The following KDM5A variants were observed in gnomAD, a reference collection of about 807,000 sequenced individuals.
KDM5A encodes the protein lysine-specific demethylase 5A.
Under a neutral mutation model 193.5 loss-of-function variants are expected in KDM5A, and 42 were observed. The ratio of observed to expected loss-of-function variants is 0.22; its 90% CI spans 0.17 to 0.28. The LOEUF (loss-of-function observed/expected upper bound fraction) is 0.28. Ranked by LOEUF, KDM5A falls within the 10% of genes least tolerant of loss-of-function variation. The pLI, the probability that KDM5A is intolerant of heterozygous loss-of-function variation, is 1.00. For synonymous variants in KDM5A, 796 were observed against 718.1 expected (o/e 1.11, Z -1.73); for missense variants, 1,692 against 2,055.1 (o/e 0.82, Z 3.42).
intron 10 of KDM5A, among the ~76,000 whole-genome samples, chr12:347,004 T>C (rs975103652): frequency 2.6e-5 from 4 of 152,236 alleles, no homozygotes; most frequent in Admixed American, 6.5e-5. Context: ...CATGACTGTA[T>C]ATTTAGAAAA....
At chr12:368,268 T>C (rs1944382079) in intron 3 of KDM5A, among the ~76,000 whole-genome samples, 1 of 152,052 alleles carries the variant, frequency 6.6e-6, no homozygotes, top group African/African-American at 2.4e-5. Flanking sequence ...AAGGGAGAAG[T>C]CCTGGAACTA....
At position 293,141 on chromosome 12, in the gene KDM5A, T is replaced by G. The variant is rs199801335; in HGVS notation, c.4484A>C (p.Lys1495Thr). The G allele has an allele frequency of 6.2e-7, 1 of 1,611,464 alleles. No individual in the cohort carries two copies. Among genetic ancestry groups the G allele is most frequent in the Non-Finnish European group, 8.5e-7 (1 of 1,179,402 alleles). ...CTCTGAAGAGTCCTTTCCTTTCACT[T>G]TTAGTGGTTTCTCTTCCATGCTGTC... is the stretch of plus-strand genomic sequence containing the variant. ...EDDSMEEKPL[K>T]VKGKDSSEKK... The change falls in exon 27 of 28, where the codon AAA (lysine) becomes ACA (threonine). Residue 1495 changes from lysine (K) to threonine (T), a missense_variant. Around this residue, in one of 11 missense-constraint regions of KDM5A, gnomAD observed 965 missense variants for 1,061.0 expected, o/e 0.91. Transcript: ENST00000399788.
chr12:342,731 G>A (rs143560928), intron 10 of KDM5A, among the ~76,000 whole-genome samples: 19 of 148,438 alleles, frequency 1.3e-4, no homozygotes, highest in South Asian at 2.1e-4. Flanking sequence ...CAAAGGGCTC[G>A]AATTACAGGC....
At chr12:351,678 A>G (rs1259073654) in intron 9 of KDM5A, among the ~76,000 whole-genome samples, 1 of 152,182 alleles carries the variant, frequency 6.6e-6, no homozygotes, top group East Asian at 1.9e-4. Flanking sequence ...TTCAAGCATC[A>G]AAATAGACAG....
Position 356,490 on chromosome 12 carries a change from C to G in KDM5A, c.720G>C (p.Gln240His), listed in dbSNP as rs371585081. The change falls in exon 6 of 28, where the codon CAG (glutamine) becomes CAC (histidine). Residue 240 changes from glutamine (Q) to histidine (H), a missense_variant. Coordinates refer to ENST00000399788, the MANE Select transcript of KDM5A (RefSeq NM_001042603.3). ...CAACCTTGGGCCCAGCCCCAAAAAT[C>G]TGAAGTTTCTTCAGTTCCGTGTTTC... is the stretch of plus-strand genomic sequence containing the variant. ...VSRNTELKKL[Q>H]IFGAGPKVVG... 1 of 1,613,968 alleles carries G rather than the reference C, an allele frequency of 6.2e-7. No individual in the cohort carries two copies.
rs903494400 is a variant in KDM5A, at chr12:281,600, C to T, written c.*3856G>A. The stretch of plus-strand genomic sequence containing the variant: ...CCTGCTATAAAAGCAACCTTCTACA[C>T]ACATATGGAGCTAATTCACATGTGA... On this transcript the variant is annotated 3_prime_UTR_variant, in exon 28 of 28. Transcript: ENST00000399788. 1 of 233,442 alleles carries T rather than the reference C, an allele frequency of 4.3e-6. No individual in the cohort carries two copies. The highest frequency in any genetic ancestry group is 8.5e-6 in the Non-Finnish European group (1 of 118,168). 14.5% of individuals were successfully genotyped at this position (233,442 alleles called of 1,614,324 possible).
intron 10 of KDM5A, 115 bp from the exon 11 acceptor site, chr12:334,537 A>G (rs1943902950): frequency 6.7e-6 from 5 of 745,382 alleles, no homozygotes; most frequent in Middle Eastern, 3.6e-4. Context: ...AGTCTAGTGC[A>G]TACAATCTGT....
chr12:357,313 G>A (rs1304863787), intron 5 of KDM5A, among the ~76,000 whole-genome samples: 2 of 141,194 alleles, frequency 1.4e-5, no homozygotes, highest in African/African-American at 5.4e-5. Flanking sequence ...CCCAGCCTGG[G>A]CAACATAGTG....
intron 14 of KDM5A, among the ~76,000 whole-genome samples, chr12:324,529 A>G (rs1241844545): frequency 1.3e-5 from 2 of 152,210 alleles, no homozygotes; most frequent in South Asian, 2.1e-4. Flanking sequence ...TTAAAATATA[A>G]TATCAGCATG....
chr12:315,050 G>T (rs1396567470), intron 19 of KDM5A, among the ~76,000 whole-genome samples: 2 of 152,176 alleles, frequency 1.3e-5, no homozygotes, highest in Non-Finnish European at 2.9e-5. Flanking sequence ...GCAGTATAGA[G>T]AATGAATTAG....
intron 10 of KDM5A, among the ~76,000 whole-genome samples, chr12:345,198 G>C (rs1049811250): frequency 3.9e-5 from 6 of 152,164 alleles, no homozygotes; most frequent in African/African-American, 1.2e-4. Flanking sequence ...GTAAAGGGAT[G>C]AATTCAACAA....
At chr12:348,918 A>AT (rs1178499087) in intron 10 of KDM5A, among the ~76,000 whole-genome samples, 19 of 151,822 alleles carry the variant, frequency 1.3e-4, no homozygotes, top group African/African-American at 4.6e-4. Flanking sequence ...AAAATAAAAA[A>AT]TTAAAAAAAA....
chr12:289,903 CTTTCT>C (rs1943269646), intron 27 of KDM5A, among the ~76,000 whole-genome samples: 1 of 106,740 alleles, frequency 9.4e-6, no homozygotes, highest in African/African-American at 4.0e-5. Flanking sequence ...TTTTTTCTTT[CTTTCT>C]TTTTTTTTTT....
At chr12:357,154 A>C (rs1944237341) in intron 5 of KDM5A, among the ~76,000 whole-genome samples, 1 of 151,780 alleles carries the variant, frequency 6.6e-6, no homozygotes, top group Non-Finnish European at 1.5e-5. Context: ...GGTGGTGTGC[A>C]TCTGTAGTCC....
chr12:328,030 G>A (rs1238267219), intron 14 of KDM5A, among the ~76,000 whole-genome samples: 5 of 152,124 alleles, frequency 3.3e-5, no homozygotes, highest in Non-Finnish European at 5.9e-5. Flanking sequence ...AGGTGGTACA[G>A]AGCAAGAAGG....
intron 13 of KDM5A, 190 bp from the exon 14 acceptor site, chr12:329,219 T>C: frequency 6.6e-6 from 4 of 601,894 alleles, no homozygotes; most frequent in Non-Finnish European, 1.2e-5. Flanking sequence ...TTTCAAAGGC[T>C]TTCCCACAGA....
chr12:371,075 T>TAC (rs1944421716), intron 3 of KDM5A, among the ~76,000 whole-genome samples: 1 of 151,454 alleles, frequency 6.6e-6, no homozygotes, highest in Non-Finnish European at 1.5e-5. Flanking sequence ...ACAATAAACA[T>TAC]ATGTGTGCAT....
intron 10 of KDM5A, among the ~76,000 whole-genome samples, chr12:345,041 A>G (rs1483598226): frequency 6.6e-6 from 1 of 152,182 alleles, no homozygotes; most frequent in East Asian, 1.9e-4. Context: ...GCAAAGACGC[A>G]CACAGGCTCA....
chr12:329,907 G>A (rs1447142761), intron 13 of KDM5A, among the ~76,000 whole-genome samples: 1 of 151,986 alleles, frequency 6.6e-6, no homozygotes, highest in Non-Finnish European at 1.5e-5. Flanking sequence ...GAAAAAATAA[G>A]AAAATGGACC....
Sources: allele counts gnomAD v4.1 joint callset (sites outside exome capture counted in the v4.1 genomes callset), GRCh38; gene constraint gnomAD v4.1.1; regional missense constraint gnomAD v4.1.1; transcripts MANE v1.5; gene names NCBI Gene and HGNC (gene_info 2026-07-23, HGNC 2026-07-21).